Variants in NREP observed in about 807,000 individuals in gnomAD.
NREP encodes neuronal regeneration related protein.
In NREP, 5 loss-of-function variants were observed where a neutral mutation model predicts 8.6. That is an observed-to-expected ratio of 0.58 (90% confidence interval 0.30 to 1.22). The LOEUF is 1.22. Ranked by LOEUF, NREP falls within the 50% of genes most tolerant of loss-of-function variation. The probability of loss-of-function intolerance (pLI) is 0.07; values close to 1 mark genes in which losing one functional copy is unlikely to be tolerated. For missense variants in NREP, 86 were observed against 82.5 expected, an observed-to-expected ratio of 1.04 and a Z score of -0.17; for synonymous variants, 27 against 28.0, an observed-to-expected ratio of 0.96 and a Z score of 0.11.
At chr5:111,827,302 G>C (rs142260439) in intron 2 of NREP, among the ~76,000 whole-genome samples, 72 of 152,296 alleles carry the variant, frequency 4.7e-4, no homozygotes, top group African/African-American at 1.6e-3. Flanking sequence ...ACCTATACTT[G>C]TAGTTTAATG....
chr5:111,969,771 G>C (rs1180358620), intron 2 of NREP, among the ~76,000 whole-genome samples: 1 of 152,154 alleles, frequency 6.6e-6, no homozygotes, highest in Non-Finnish European at 1.5e-5. Flanking sequence ...CTAGAGAGGA[G>C]ATTAGAATAA....
intron 2 of NREP, among the ~76,000 whole-genome samples, chr5:111,750,577 T>A (rs903238735): frequency 6.6e-6 from 1 of 152,188 alleles, no homozygotes. Flanking sequence ...CTTCTTAATA[T>A]AAGTTTTCCA....
intron 2 of NREP, among the ~76,000 whole-genome samples, chr5:111,876,631 A>T (rs1331331238): frequency 6.6e-6 from 1 of 152,232 alleles, no homozygotes; most frequent in African/African-American, 2.4e-5. Context: ...GTGAGGAAAG[A>T]CCATCATCAT....
upstream of NREP, chr5:111,757,752 A>G (rs1750825941): frequency 1.0e-6 from 1 of 983,268 alleles, no homozygotes; most frequent in Non-Finnish European, 1.2e-6. Context: ...CGGCGCGCGC[A>G]AATCCCCGGC....
At chr5:111,879,443 G>A (rs1753992943) in intron 2 of NREP, among the ~76,000 whole-genome samples, 1 of 152,180 alleles carries the variant, frequency 6.6e-6, no homozygotes, top group Non-Finnish European at 1.5e-5. Context: ...AGTATGTTAA[G>A]TGCTCAATGA....
intron 1 of NREP, among the ~76,000 whole-genome samples, chr5:111,976,025 T>C (rs1347767909): frequency 6.6e-6 from 1 of 152,190 alleles, no homozygotes; most frequent in Non-Finnish European, 1.5e-5. Flanking sequence ...TGAAACCTTT[T>C]TATAATGATA....
chr5:111,921,835 G>T (rs1755248873), intron 2 of NREP, among the ~76,000 whole-genome samples: 1 of 152,120 alleles, frequency 6.6e-6, no homozygotes, highest in Non-Finnish European at 1.5e-5. Context: ...TCTTTCCTGT[G>T]CTATTCTCAT....
chr5:111,975,388 A>G, intron 1 of NREP: 1 of 1,549,230 alleles, frequency 6.5e-7, no homozygotes, highest in South Asian at 1.2e-5. Context: ...TCTGCAGACA[A>G]GACACATGGT....
chr5:111,861,820 G>C (rs1317230494), intron 2 of NREP, among the ~76,000 whole-genome samples: 3 of 152,010 alleles, frequency 2.0e-5, no homozygotes, highest in Non-Finnish European at 2.9e-5. Context: ...CCCACAAAAA[G>C]CTTTTAATAA....
At chr5:111,886,203 CA>C (rs1294810926) in intron 2 of NREP, among the ~76,000 whole-genome samples, 16 of 152,118 alleles carry the variant, frequency 1.1e-4, no homozygotes, top group African/African-American at 3.1e-4. Context: ...TTTATGCAGC[CA>C]AAAACCACAT....
chr5:111,774,650 A>C (rs1412239441), intron 2 of NREP, among the ~76,000 whole-genome samples: 1 of 152,180 alleles, frequency 6.6e-6, no homozygotes, highest in Non-Finnish European at 1.5e-5. Context: ...GAGCTGAGAG[A>C]GGCTCCTGGC....
intron 2 of NREP, among the ~76,000 whole-genome samples, chr5:111,958,899 GTTATCT>G (rs530617413): frequency 4.5e-4 from 68 of 151,918 alleles, no homozygotes; most frequent in African/African-American, 1.6e-3. Flanking sequence ...TTTAAACCAT[GTTATCT>G]TCACAAGAAT....
chr5:111,889,927 G>A (rs1349671760), intron 2 of NREP, among the ~76,000 whole-genome samples: 5 of 152,176 alleles, frequency 3.3e-5, no homozygotes, highest in Admixed American at 6.5e-5. Context: ...GATATTCATT[G>A]TCCAGGAGAA....
chr5:111,914,966 T>C (rs1387257134), intron 2 of NREP, among the ~76,000 whole-genome samples: 1 of 152,164 alleles, frequency 6.6e-6, no homozygotes, highest in Non-Finnish European at 1.5e-5. Flanking sequence ...ACTATGTCTA[T>C]GCATTAATAC....
intron 2 of NREP, among the ~76,000 whole-genome samples, chr5:111,911,248 G>A (rs1754905278): frequency 6.6e-6 from 1 of 151,984 alleles, no homozygotes; most frequent in South Asian, 2.1e-4. Flanking sequence ...CCAGAGTTCT[G>A]GATATTACCA....
chr5:111,760,729 C>G (rs255899), upstream of NREP, among the ~76,000 whole-genome samples: 45,089 of 151,964 alleles, frequency 0.3, 8,387 homozygotes, highest in East Asian at 0.54. Flanking sequence ...AGAAATTTGA[C>G]TGATGACTGA....
intron 2 of NREP, among the ~76,000 whole-genome samples, chr5:111,843,125 T>C (rs540524105): frequency 3.7e-4 from 56 of 152,278 alleles, no homozygotes; most frequent in African/African-American, 1.2e-3. Flanking sequence ...TTCTTTAAAA[T>C]GACTTTCTTC....
chr5:111,785,897 T>C (rs1489651604), intron 2 of NREP, among the ~76,000 whole-genome samples: 2 of 151,796 alleles, frequency 1.3e-5, no homozygotes, highest in African/African-American at 4.8e-5. Flanking sequence ...AGCAAGGAGA[T>C]GGATAGGGAG....
chr5:111,913,776 T>C (rs1754978259), intron 2 of NREP, among the ~76,000 whole-genome samples: 1 of 152,102 alleles, frequency 6.6e-6, no homozygotes, highest in Admixed American at 6.6e-5. Flanking sequence ...GATTTGATTA[T>C]AGGGATGAGG....
Sources: gnomAD v4.1 joint callset for allele counts (sites outside exome capture counted in the v4.1 genomes callset) on GRCh38, gnomAD v4.1.1 for gene constraint, MANE v1.5 for transcripts, NCBI Gene and HGNC (gene_info 2026-07-23, HGNC 2026-07-21) for gene names.